Variants in ACBD6 observed in about 807,000 individuals in gnomAD.
ACBD6 encodes the protein acyl-CoA binding domain containing 6.
ACBD6 carries 28 observed loss-of-function variants against 37.2 expected under a neutral mutation model. The ratio of observed to expected loss-of-function variants is 0.75; its 90% confidence interval spans 0.56 to 1.03. The LOEUF (loss-of-function observed/expected upper bound fraction) is 1.03, where lower values mean the gene tolerates loss of function less well. Among genes scored for constraint, ACBD6 ranks in the 50% least tolerant of loss-of-function variants. The pLI is 0.00. For synonymous variants in ACBD6, 113 were observed against 126.8 expected, an observed-to-expected ratio of 0.89 and a Z score of 0.73; for missense variants, 340 against 337.4, an observed-to-expected ratio of 1.01 and a Z score of -0.06.
At chr1:180,294,094 C>T (rs976194887) in intron 7 of ACBD6, among the ~76,000 whole-genome samples, 6 of 151,878 alleles carry the variant, frequency 4.0e-5, no homozygotes, top group South Asian at 2.1e-4. Flanking sequence ...AGGGTTTCAC[C>T]ATGTTGGCCA....
chr1:180,377,019 G>T (rs931130753), intron 6 of ACBD6, among the ~76,000 whole-genome samples: 2 of 152,066 alleles, frequency 1.3e-5, no homozygotes, highest in African/African-American at 4.8e-5. Flanking sequence ...ATGGCAAAAT[G>T]AAATATACAT....
At chr1:180,469,359 G>A (rs1486414262) in intron 3 of ACBD6, among the ~76,000 whole-genome samples, 5 of 152,142 alleles carry the variant, frequency 3.3e-5, no homozygotes, top group African/African-American at 1.2e-4. Flanking sequence ...TAGAAATTGT[G>A]TCAAATAACT....
chr1:180,390,744 T>C lies in ACBD6; in HGVS notation c.663+6772A>G, dbSNP rs183197600. ...GTCCCTTGTAAGTTGTATTCCTAGG[T>C]ATTTTATTCTCTTTGAAACAATTGT... On this transcript the variant is annotated intron_variant, in intron 6 of 7. Coordinates refer to ENST00000367595, the MANE Select transcript of ACBD6 (RefSeq NM_032360.4). Among the ~76,000 whole-genome samples, 903 of 152,312 alleles carry C rather than the reference T, an allele frequency of 5.9e-3. 9 individuals are homozygous for C. Among genetic ancestry groups the C allele is most frequent in the African/African-American group, 0.02 (845 of 41,550 alleles).
In ACBD6 at chr1:180,304,319, C is replaced by T. The variant is rs1650258707; in HGVS notation, c.694+10373G>A. ...TTAGGAAAAGAGGAAGTCAAATTGT[C>T]CCTGTTTGCAGATGACATGACTGTG... On this transcript the variant is annotated intron_variant, in intron 7 of 7. Coordinates refer to ENST00000367595, the MANE Select transcript of ACBD6 (RefSeq NM_032360.4). 1.3e-5 allele frequency among the ~76,000 whole-genome samples: 2 copies of T among 150,720 alleles called. 1 individual carries two copies. Among genetic ancestry groups the T allele is most frequent in the Non-Finnish European group, 3.0e-5 (2 of 67,482 alleles).
intron 6 of ACBD6, among the ~76,000 whole-genome samples, chr1:180,383,229 C>G (rs1653726984): frequency 6.6e-6 from 1 of 152,142 alleles, no homozygotes; most frequent in Non-Finnish European, 1.5e-5. Flanking sequence ...ACCATCCAAA[C>G]AGGAAAACTT....
intron 3 of ACBD6, among the ~76,000 whole-genome samples, chr1:180,486,353 G>A (rs13376342): frequency 0.16 from 24,187 of 152,194 alleles, 1,973 homozygotes; most frequent in Middle Eastern, 0.22. Flanking sequence ...ACCAAATGAA[G>A]CTCATACAGT....
rs1010822610 is a variant in ACBD6 at position 180,365,951 on chromosome 1, T to C, written c.663+31565A>G. 1.4e-4 allele frequency among the ~76,000 whole-genome samples: 21 copies of C among 152,186 alleles called. 1 individual carries two copies. In the South Asian group the frequency reaches 1.7e-3, roughly 12 times the overall value. On this transcript the variant is annotated intron_variant, in intron 6 of 7. Transcript: ENST00000367595. ...TTGACCATTTCTAGAACTTACTCTG[T>C]TTACTTAGTATAACTAAGCAAATTG...
Position 180,439,633 on chromosome 1 carries a change from C to T in ACBD6, c.385-9371G>A, listed in dbSNP as rs77330160. On this transcript the variant is annotated intron_variant, in intron 3 of 7. Transcript: ENST00000367595. ...GGGGAGGAGTTTTTGACTCCCTAGT[C>T]CACACTCAGCCTCAAGCAATTCATC... 2.1e-3 allele frequency among the ~76,000 whole-genome samples: 313 copies of T among 151,574 alleles called. 1 individual carries two copies. Among genetic ancestry groups the T allele is most frequent in the African/African-American group, 6.9e-3 (284 of 41,378 alleles).
At chr1:180,316,336 G>GCACACACACA (rs147480605) in intron 6 of ACBD6, among the ~76,000 whole-genome samples, 2 of 149,284 alleles carry the variant, frequency 1.3e-5, no homozygotes, top group African/African-American at 4.9e-5. Context: ...GCGTGAGTGC[G>GCACACACACA]CACACACACA....
intron 6 of ACBD6, among the ~76,000 whole-genome samples, chr1:180,353,013 G>A (rs1046157309): frequency 6.6e-6 from 1 of 152,170 alleles, no homozygotes; most frequent in African/African-American, 2.4e-5. Flanking sequence ...TCTCAGTAAA[G>A]TCTTACCTGA....
intron 7 of ACBD6, among the ~76,000 whole-genome samples, chr1:180,288,906 C>A (rs1649589162): frequency 6.6e-6 from 1 of 151,902 alleles, no homozygotes; most frequent in African/African-American, 2.4e-5. Flanking sequence ...GCTAAAAATA[C>A]TGTAAATGTC....
intron 3 of ACBD6, among the ~76,000 whole-genome samples, chr1:180,489,663 GT>G (rs972690125): frequency 1.2e-4 from 18 of 144,400 alleles, no homozygotes; most frequent in Non-Finnish European, 1.7e-4. Context: ...TCTGCAAGTC[GT>G]TTTTTTTTTT....
intron 3 of ACBD6, among the ~76,000 whole-genome samples, chr1:180,462,394 A>T (rs1376693704): frequency 1.3e-5 from 2 of 152,224 alleles, no homozygotes; most frequent in Non-Finnish European, 2.9e-5. Flanking sequence ...ATGGAGGAAA[A>T]TTTACCAGGC....
intron 6 of ACBD6, among the ~76,000 whole-genome samples, chr1:180,322,854 T>G (rs1330653423): frequency 6.6e-6 from 1 of 151,660 alleles, no homozygotes; most frequent in Non-Finnish European, 1.5e-5. Context: ...GATTTATTTA[T>G]TTCTGCTCTG....
chr1:180,427,583 G>A (rs915377785), intron 4 of ACBD6, among the ~76,000 whole-genome samples: 1 of 152,024 alleles, frequency 6.6e-6, no homozygotes, highest in African/African-American at 2.4e-5. Context: ...GAAACCATAC[G>A]GACTACATCT....
chr1:180,290,781 C>T (rs1457689967), intron 7 of ACBD6, among the ~76,000 whole-genome samples: 1 of 152,160 alleles, frequency 6.6e-6, no homozygotes, highest in Non-Finnish European at 1.5e-5. Context: ...ACAAGGAATG[C>T]TGGAGAACTG....
At chr1:180,468,331 G>C (rs1650428739) in intron 3 of ACBD6, among the ~76,000 whole-genome samples, 2 of 152,282 alleles carry the variant, frequency 1.3e-5, no homozygotes, top group African/African-American at 4.8e-5. Flanking sequence ...AGGAGTCAAA[G>C]CCTCCATGAG....
intron 7 of ACBD6, among the ~76,000 whole-genome samples, chr1:180,292,899 T>G (rs964739927): frequency 4.0e-5 from 6 of 150,728 alleles, no homozygotes; most frequent in African/African-American, 2.5e-5. Context: ...CCTATTTCTA[T>G]TTTGTTGTGA....
intron 6 of ACBD6, among the ~76,000 whole-genome samples, chr1:180,330,906 G>A (rs925755605): frequency 3.9e-5 from 6 of 152,138 alleles, no homozygotes; most frequent in African/African-American, 1.4e-4. Flanking sequence ...AACTACTGTT[G>A]GGTACAATTA....
Sources: gnomAD v4.1 joint callset for allele counts (sites outside exome capture counted in the v4.1 genomes callset) on GRCh38, gnomAD v4.1.1 for gene constraint, MANE v1.5 for transcripts, NCBI Gene and HGNC (gene_info 2026-07-23, HGNC 2026-07-21) for gene names.